HTR4: variants seen among roughly 807,000 people sequenced by gnomAD.
HTR4 encodes the protein 5-hydroxytryptamine (serotonin) receptor 4, G protein-coupled.
HTR4 carries 16 observed loss-of-function variants against 36.8 expected under a neutral mutation model. The observed-to-expected ratio is 0.43, with a 90% CI of 0.29 to 0.66. The LOEUF (loss-of-function observed/expected upper bound fraction) is 0.66. HTR4 is among the 30% of genes least tolerant of loss of function. HTR4 has a pLI of 0.13. For synonymous variants in HTR4, 189 were observed against 185.1 expected, an observed-to-expected ratio of 1.02 and a Z score of -0.17; for missense variants, 438 against 490.9, an observed-to-expected ratio of 0.89 and a Z score of 1.02.
chr5:148,486,440 C>T (rs1246608363), intron 6 of HTR4, among the ~76,000 whole-genome samples: 1 of 152,120 alleles, frequency 6.6e-6, no homozygotes, highest in Non-Finnish European at 1.5e-5. Flanking sequence ...AGTGTAGCAA[C>T]CAGAAGACAG....
chr5:148,585,339 A>T (rs1302554398), intron 2 of HTR4, among the ~76,000 whole-genome samples: 1 of 152,218 alleles, frequency 6.6e-6, no homozygotes, highest in East Asian at 1.9e-4. Flanking sequence ...TTATATGTAG[A>T]TTGGTCATGG....
At chr5:148,461,568 A>G (rs954937816) in intron 5 of HTR4, among the ~76,000 whole-genome samples, 3 of 152,036 alleles carry the variant, frequency 2.0e-5, no homozygotes, top group African/African-American at 7.2e-5. Flanking sequence ...AAGAAGACAT[A>G]ATAATCCTTA....
At chr5:148,523,488 C>A in intron 4 of HTR4, 142 bp from the exon 5 acceptor site, 3 of 510,276 alleles carry the variant, frequency 5.9e-6, no homozygotes, top group Non-Finnish European at 6.5e-6. Context: ...GGAGAAGAGT[C>A]GGAGGGGAAG....
At chr5:148,465,702 A>G (rs1755409020) in intron 5 of HTR4, 1 of 969,936 alleles carries the variant, frequency 1.0e-6, no homozygotes, top group South Asian at 3.0e-5. Context: ...CTATATTAAT[A>G]TGGGCTCTGC....
chr5:148,615,065 CTT>C (rs1325182689), intron 2 of HTR4, among the ~76,000 whole-genome samples: 2 of 151,678 alleles, frequency 1.3e-5, no homozygotes, highest in Non-Finnish European at 2.9e-5. Context: ...AATAGGAACA[CTT>C]TTACACTGTT....
chr5:148,457,443 C>T (rs1270541312), intron 5 of HTR4, among the ~76,000 whole-genome samples: 1 of 151,730 alleles, frequency 6.6e-6, no homozygotes, highest in East Asian at 1.9e-4. Context: ...TAGCATCGCA[C>T]TTAGAGCAGC....
At chr5:148,571,027 A>G (rs999601998) in intron 2 of HTR4, among the ~76,000 whole-genome samples, 14 of 152,022 alleles carry the variant, frequency 9.2e-5, no homozygotes, top group Admixed American at 6.6e-5. Context: ...ACACAAATCT[A>G]GAGGAAGGAC....
At chr5:148,490,644 T>A in intron 6 of HTR4, 10 of 1,174,522 alleles carry the variant, frequency 8.5e-6, no homozygotes, top group Non-Finnish European at 1.1e-5. Flanking sequence ...GTTCTTCCAG[T>A]TACTGATATT....
At chr5:148,639,126 C>T (rs1340750079) in intron 1 of HTR4, among the ~76,000 whole-genome samples, 1 of 152,066 alleles carries the variant, frequency 6.6e-6, no homozygotes, top group Non-Finnish European at 1.5e-5. Context: ...CACCTCTGGA[C>T]CCAGCATCTG....
intron 5 of HTR4, 76 bp downstream of exon 5, chr5:148,523,117 A>T: frequency 7.6e-7 from 1 of 1,323,640 alleles, no homozygotes; most frequent in Non-Finnish European, 1.1e-6. Flanking sequence ...ACTCAATCTA[A>T]TATTATTTAT....
chr5:148,644,451 T>C (rs1753821417), intron 1 of HTR4, among the ~76,000 whole-genome samples: 1 of 141,366 alleles, frequency 7.1e-6, no homozygotes, highest in Non-Finnish European at 1.5e-5. Flanking sequence ...TTTTTTTTTT[T>C]TTTTGCTGGA....
intron 2 of HTR4, among the ~76,000 whole-genome samples, chr5:148,586,702 G>A (rs967947911): frequency 5.9e-5 from 9 of 152,154 alleles, no homozygotes; most frequent in African/African-American, 2.2e-4. Context: ...AAGTGAAGTT[G>A]AGTACTTGCC....
intron 5 of HTR4, among the ~76,000 whole-genome samples, chr5:148,522,983 G>T (rs1325045193): frequency 6.6e-6 from 1 of 152,046 alleles, no homozygotes; most frequent in African/African-American, 2.4e-5. Flanking sequence ...ACCTAGATGG[G>T]ACAAGGATTC....
chr5:148,488,092 G>A (rs536213334), intron 6 of HTR4, among the ~76,000 whole-genome samples: 1 of 152,134 alleles, frequency 6.6e-6, no homozygotes, highest in Non-Finnish European at 1.5e-5. Flanking sequence ...AAACCGTGAG[G>A]CACATAGATT....
chr5:148,483,100 C>G lies in HTR4; in HGVS notation c.*103G>C. ...GTTCCTGCACTGGCGGACGGAAAGC[C>G]TCAGGTGAAGAGAATACCGGGTGCA... On this transcript the variant is annotated 3_prime_UTR_variant, in exon 7 of 7. Coordinates refer to ENST00000377888, the MANE Select transcript of HTR4 (RefSeq NM_000870.7). 1 of 1,553,558 alleles carries G rather than the reference C, an allele frequency of 6.4e-7. No homozygotes were observed. The highest frequency in any genetic ancestry group is 1.2e-5 in the South Asian group (1 of 84,432).
chr5:148,648,524 C>T (rs1357703995), intron 1 of HTR4, among the ~76,000 whole-genome samples: 1 of 152,210 alleles, frequency 6.6e-6, no homozygotes, highest in African/African-American at 2.4e-5. Flanking sequence ...CAGATTGTCT[C>T]TATTACAAGC....
At chr5:148,498,351 G>A (rs1367664204) in intron 6 of HTR4, among the ~76,000 whole-genome samples, 2 of 152,116 alleles carry the variant, frequency 1.3e-5, no homozygotes, top group African/African-American at 4.8e-5. Flanking sequence ...GAATCTTGTA[G>A]ACTAAGTTCT....
intron 4 of HTR4, among the ~76,000 whole-genome samples, chr5:148,526,063 T>C (rs1202686488): frequency 6.6e-6 from 1 of 152,180 alleles, no homozygotes; most frequent in African/African-American, 2.4e-5. Flanking sequence ...GAAAGAATCC[T>C]TCCCCTACAA....
In HTR4 at chr5:148,523,183, G is replaced by T; in HGVS notation, c.507+10C>A. The T allele has an allele frequency of 6.2e-7, 1 of 1,611,330 alleles. No homozygotes were observed. ...GACAGTAAACCAGTGAGGTCTGTGT[G>T]GATACTCACCAAATCAATTATGCCA... On this transcript the variant is annotated intron_variant, in intron 5 of 6. Coordinates refer to ENST00000377888, the MANE Select transcript of HTR4 (RefSeq NM_000870.7).
Sources: allele counts gnomAD v4.1 joint callset (sites outside exome capture counted in the v4.1 genomes callset), GRCh38; gene constraint gnomAD v4.1.1; transcripts MANE v1.5; gene names NCBI Gene and HGNC (gene_info 2026-07-23, HGNC 2026-07-21).